The following TDRD12 variants were observed in gnomAD, a reference collection of about 807,000 sequenced individuals.
TDRD12 encodes the protein tudor domain containing 12.
Under a neutral mutation model 133.5 loss-of-function variants are expected in TDRD12, and 158 were observed. The ratio of observed to expected loss-of-function variants is 1.18; its 90% CI spans 1.04 to 1.35. The LOEUF is 1.35. Ranked by LOEUF, TDRD12 falls within the 40% of genes most tolerant of loss-of-function variation. The probability of loss-of-function intolerance (pLI) is 0.00; values close to 1 mark genes in which losing one functional copy is unlikely to be tolerated. For missense variants in TDRD12, 1,443 were observed against 1,321.3 expected (o/e 1.09, Z -1.43); for synonymous variants, 460 against 477.9 (o/e 0.96, Z 0.49).
chr19:32,723,777 C>T (rs1251405040), intron 1 of TDRD12, among the ~76,000 whole-genome samples: 7 of 151,538 alleles, frequency 4.6e-5, no homozygotes, highest in African/African-American at 7.3e-5. Context: ...CATTTCTTTC[C>T]GTCAGTGTTT....
chr19:32,799,337 G>GA (rs1393752807), intron 16 of TDRD12, among the ~76,000 whole-genome samples: 1 of 152,178 alleles, frequency 6.6e-6, no homozygotes, highest in Non-Finnish European at 1.5e-5. Flanking sequence ...AGCATGACCT[G>GA]ATGTGCACTC....
chr19:32,745,639 G>A (rs1389224409), intron 4 of TDRD12, among the ~76,000 whole-genome samples: 1 of 152,176 alleles, frequency 6.6e-6, no homozygotes, highest in African/African-American at 2.4e-5. Context: ...GGGAGAGAGA[G>A]AGAATGGCTG....
chr19:32,751,566 C>T (rs2145524084), intron 6 of TDRD12, among the ~76,000 whole-genome samples: 1 of 151,764 alleles, frequency 6.6e-6, no homozygotes, highest in South Asian at 2.1e-4. Flanking sequence ...CCTTCCCTTC[C>T]CCTCTCCTTC....
intron 4 of TDRD12, among the ~76,000 whole-genome samples, chr19:32,747,260 T>C (rs1599852824): frequency 6.6e-6 from 1 of 152,350 alleles, no homozygotes; most frequent in East Asian, 1.9e-4. Context: ...TTTTTCTTTT[T>C]TAAAAAAGCT....
rs1971287995 is a variant in TDRD12 at position 32,798,293 on chromosome 19, T to G, written c.1631-15T>G. The G allele has an allele frequency of 6.6e-7, 1 of 1,516,166 alleles. No individual in the cohort carries two copies. The highest frequency in any genetic ancestry group is 8.8e-7 in the Non-Finnish European group (1 of 1,131,188). The allele number at this position is 1,516,166 out of a possible 1,614,324, so 93.9% of individuals were successfully genotyped here. A position where few individuals can be genotyped will look rare whatever the true frequency, so the allele number is the denominator to read the frequency against. On this transcript the variant is annotated splice_polypyrimidine_tract_variant and intron_variant, in intron 15 of 27. Coordinates refer to ENST00000444215, the Ensembl canonical transcript of TDRD12. ...GTGGAAAATTGAAAATGTTCACTTT[T>G]TTTTTTAAATGCAGGTGATGTGATT... is the stretch of plus-strand genomic sequence containing the variant.
chr19:32,763,174 A>G (rs1458738870), intron 8 of TDRD12, among the ~76,000 whole-genome samples: 2 of 152,040 alleles, frequency 1.3e-5, no homozygotes, highest in African/African-American at 4.8e-5. Context: ...TGCCATGTTT[A>G]TTACTGTATT....
At chr19:32,762,475 T>G (rs1970177187) in intron 8 of TDRD12, among the ~76,000 whole-genome samples, 1 of 152,220 alleles carries the variant, frequency 6.6e-6, no homozygotes, top group Non-Finnish European at 1.5e-5. Flanking sequence ...CATATTGTTT[T>G]GAAAGGAAGC....
At chr19:32,813,888 T>C (rs966854904) in intron 25 of TDRD12, 112 bp downstream of exon 25, 2 of 666,706 alleles carry the variant, frequency 3.0e-6, no homozygotes, top group Non-Finnish European at 5.1e-6. Context: ...GGTGACTTAT[T>C]TGGGGATTTG....
exon 19 of TDRD12, chr19:32,801,790 T>C: frequency 6.8e-6 from 10 of 1,466,784 alleles, no homozygotes; most frequent in Non-Finnish European, 8.2e-6. Flanking sequence ...TGCTTGAAGA[T>C]GCATAAAGAA....
chr19:32,720,091 C>G lies in TDRD12; in HGVS notation c.19C>G (p.Leu7Val), dbSNP rs1168640813. Residue 7 changes from leucine (L) to valine (V), a missense_variant, in exon 1 of 28, where the codon CTG becomes GTG. Physicochemically the swap from Leu to Val is conservative, Grantham distance 32. Transcript: ENST00000444215. ...CAGGAGGATGCTCCAGCTCCTGGTG[C>G]TGAAGGTGAGCGCCGCCAAGCCAGA... 2.6e-6 allele frequency: 4 copies of G among 1,548,198 alleles called. No individual in the cohort carries two copies. In the East Asian group the frequency reaches 7.3e-5, roughly 28 times the overall value.
At chr19:32,817,556 C>T (rs1176366982) in intron 26 of TDRD12, among the ~76,000 whole-genome samples, 1 of 151,972 alleles carries the variant, frequency 6.6e-6, no homozygotes, top group African/African-American at 2.4e-5. Context: ...TGAGTGTGCT[C>T]CTGTGTATAC....
intron 8 of TDRD12, among the ~76,000 whole-genome samples, chr19:32,758,190 A>T (rs1568462366): frequency 1.3e-5 from 2 of 152,272 alleles, no homozygotes; most frequent in Non-Finnish European, 2.9e-5. Context: ...GCAGAGAAGA[A>T]TTTTATGGAG....
At chr19:32,780,229 G>A (rs535642808) in intron 11 of TDRD12, among the ~76,000 whole-genome samples, 4 of 151,508 alleles carry the variant, frequency 2.6e-5, no homozygotes, top group Admixed American at 6.6e-5. Flanking sequence ...GATTACAGGC[G>A]CATGCCACCA....
chr19:32,798,303 T>C lies in TDRD12; in HGVS notation c.1631-5T>C. On this transcript the variant is annotated splice_polypyrimidine_tract_variant and splice_region_variant and intron_variant, in intron 15 of 27. Coordinates refer to ENST00000444215, the Ensembl canonical transcript of TDRD12. Reference sequence around the variant, plus strand: ...GAAAATGTTCACTTTTTTTTTTAAATGCAGGTGATGTGATTGTTACGACCC... The same window carrying C: ...GAAAATGTTCACTTTTTTTTTTAAACGCAGGTGATGTGATTGTTACGACCC... 2.0e-6 allele frequency: 3 copies of C among 1,513,524 alleles called. No individual in the cohort carries two copies. The highest frequency in any genetic ancestry group is 2.7e-6 in the Non-Finnish European group (3 of 1,131,454). 93.8% of individuals were successfully genotyped at this position (1,513,524 alleles called of 1,614,324 possible). A position where few individuals can be genotyped will look rare whatever the true frequency, so the allele number is the denominator to read the frequency against.
At chr19:32,792,506 T>G (rs1419662286) in intron 13 of TDRD12, among the ~76,000 whole-genome samples, 1 of 152,102 alleles carries the variant, frequency 6.6e-6, no homozygotes, top group Non-Finnish European at 1.5e-5. Context: ...ACTAGTATGT[T>G]TGAGACATAA....
chr19:32,798,287 C>T (rs1971287603), intron 15 of TDRD12, 21 bp from the exon 16 acceptor site: 2 of 1,514,278 alleles, frequency 1.3e-6, no homozygotes, highest in South Asian at 1.2e-5. Context: ...TGAAAATGTT[C>T]ACTTTTTTTT....
At chr19:32,820,244 G>A (rs1599630677) in intron 27 of TDRD12, among the ~76,000 whole-genome samples, 1 of 152,232 alleles carries the variant, frequency 6.6e-6, no homozygotes, top group East Asian at 1.9e-4. Context: ...GCTGTCAGAA[G>A]ACAGCACACC....
At chr19:32,815,799 T>G (rs1464264102) in intron 26 of TDRD12, among the ~76,000 whole-genome samples, 179 bp downstream of exon 26, 2 of 152,104 alleles carry the variant, frequency 1.3e-5, no homozygotes, top group Middle Eastern at 3.2e-3. Context: ...ATCAAGACCA[T>G]CCTGGCCAAC....
rs574059822 is a variant in TDRD12, at chr19:32,812,789, G to T, written c.3049-895G>T. On this transcript the variant is annotated intron_variant, in intron 24 of 27. Coordinates refer to ENST00000444215, the Ensembl canonical transcript of TDRD12. ...CCAAGTGCAAGGGGGATGGAAACGGGCAGGTCCCTTTCGCCCTGCTTTGTT... is the reference window on the plus strand; with the variant it reads ...CCAAGTGCAAGGGGGATGGAAACGGTCAGGTCCCTTTCGCCCTGCTTTGTT... 1.8e-3 allele frequency among the ~76,000 whole-genome samples: 278 copies of T among 152,322 alleles called. 3 individuals carry two copies. The highest frequency in any genetic ancestry group is 4.6e-3 in the South Asian group (22 of 4,826).
Sources: allele counts gnomAD v4.1 joint callset (sites outside exome capture counted in the v4.1 genomes callset), GRCh38; gene constraint gnomAD v4.1.1; transcripts MANE v1.5; gene names NCBI Gene and HGNC (gene_info 2026-07-23, HGNC 2026-07-21).